The following PIP5K1A variants were observed in gnomAD, a reference collection of about 807,000 sequenced individuals.
The protein encoded by PIP5K1A is phosphatidylinositol-4-phosphate 5-kinase type 1 alpha, also known as phosphatidylinositol 4-phosphate 5-kinase type-1 alpha.
In PIP5K1A, 46 loss-of-function variants were observed where a neutral mutation model predicts 72.9. The observed-to-expected ratio is 0.63, with a 90% confidence interval of 0.50 to 0.81. The LOEUF (loss-of-function observed/expected upper bound fraction) is 0.81. Ranked by LOEUF, PIP5K1A falls within the 30% of genes least tolerant of loss-of-function variation. The pLI is 0.00. For synonymous variants in PIP5K1A, 228 were observed against 255.1 expected (o/e 0.89, Z 1.01); for missense variants, 458 against 706.1 (o/e 0.65, Z 3.98).
At chr1:151,196,748 A>T (rs1222363340), upstream of PIP5K1A, among the ~76,000 whole-genome samples, 2 of 151,340 alleles carry the variant, frequency 1.3e-5, no homozygotes, top group African/African-American at 4.9e-5. Context: ...TTTAGTAGAG[A>T]CGGCGTTTCT....
rs781567276 is a variant in PIP5K1A at position 151,234,377 on chromosome 1, C to T, written c.820C>T (p.Arg274Ter). 1.2e-6 allele frequency: 2 copies of T among 1,613,592 alleles called. No homozygotes were observed. Among genetic ancestry groups the T allele is most frequent in the African/African-American group, 1.3e-5 (1 of 75,018 alleles). Residue 274 changes from arginine (R) to a stop codon, truncating the protein, a stop_gained, in exon 8 of 16, where the codon CGA (arginine) becomes TGA (stop). Coordinates refer to ENST00000368888, the MANE Select transcript of PIP5K1A (RefSeq NM_001135638.2). LOFTEE classifies it high-confidence loss of function. ...CAAACGGCGGGCTTCCCAGAAAGAG[C>T]GAGAGAAGCCTCTTCCCACATTTAA... ...TYKRRASQKEREKPLPTFKDL... is the reference protein window; with the variant it reads ...TYKRRASQKE
intron 15 of PIP5K1A, 101 bp from the exon 16 acceptor site, chr1:151,247,762 A>C (rs1265823875): frequency 1.0e-6 from 1 of 972,944 alleles, no homozygotes; most frequent in Non-Finnish European, 1.6e-6. Flanking sequence ...GGTACCTCAT[A>C]CTTGGAGGCT....
intron 12 of PIP5K1A, among the ~76,000 whole-genome samples, chr1:151,241,088 G>A (rs1004447446): frequency 4.6e-5 from 7 of 152,078 alleles, no homozygotes; most frequent in Middle Eastern, 6.8e-3. Flanking sequence ...ACTTGAACAC[G>A]GTAGGCAGAG....
intron 1 of PIP5K1A, among the ~76,000 whole-genome samples, chr1:151,202,462 C>T (rs587755110): frequency 4.6e-5 from 7 of 152,220 alleles, no homozygotes; most frequent in African/African-American, 1.7e-4. Flanking sequence ...CTCTTCCAAT[C>T]GCAAATAAAA....
intron 5 of PIP5K1A, among the ~76,000 whole-genome samples, chr1:151,232,009 C>T (rs1025965728): frequency 3.9e-5 from 6 of 152,062 alleles, no homozygotes; most frequent in Non-Finnish European, 5.9e-5. Flanking sequence ...TGGATTGACC[C>T]GTAAAAAACA....
chr1:151,217,940 G>A (rs1289891634), intron 1 of PIP5K1A, among the ~76,000 whole-genome samples: 2 of 151,984 alleles, frequency 1.3e-5, no homozygotes, highest in Non-Finnish European at 2.9e-5. Context: ...CACCATGTCC[G>A]GCTAATTTTT....
In PIP5K1A at chr1:151,239,122, TC is replaced by T; in HGVS notation, c.1230-7del. On this transcript the variant is annotated splice_polypyrimidine_tract_variant and splice_region_variant and intron_variant, in intron 10 of 15. Transcript: ENST00000368888. ...GACGTGAGTAGGTGATGTACATTTT[TC>T]TTGCAGGTTTGTTAAGAAGTTGGAG... 6.2e-7 allele frequency: 1 copy of T among 1,606,784 alleles called. No homozygotes were observed. Among genetic ancestry groups the T allele is most frequent in the Non-Finnish European group, 8.5e-7 (1 of 1,173,584 alleles).
In PIP5K1A at chr1:151,199,007, C is replaced by T. The variant is rs1389588176; in HGVS notation, c.11C>T (p.Ala4Val). Residue 4 changes from alanine to valine, a missense_variant, in exon 1 of 16, where the codon GCC (alanine) becomes GTC (valine). Ala to Val is a moderately conservative substitution (Grantham distance 64). Transcript: ENST00000368888. ...GAGGGGGCTGCTAAGATGGCGTCGG[C>T]CTCCTCCGGGCCGTCGTCTTCGGTC... MAS[A>V]SSGPSSSVGF... The T allele has an allele frequency of 3.1e-6, 5 of 1,614,068 alleles. No individual in the cohort carries two copies. Among genetic ancestry groups the T allele is most frequent in the Non-Finnish European group, 3.4e-6 (4 of 1,179,972 alleles).
chr1:151,239,049 C>A (rs779184196), intron 10 of PIP5K1A, 81 bp from the exon 11 acceptor site: 29 of 1,012,436 alleles, frequency 2.9e-5, no homozygotes, highest in Non-Finnish European at 4.5e-5. Flanking sequence ...TCTATTACCC[C>A]TTTAACCCCC....
At chr1:151,247,069 T>A (rs1692608259) in intron 15 of PIP5K1A, 104 bp downstream of exon 15, 1 of 574,358 alleles carries the variant, frequency 1.7e-6, no homozygotes, top group African/African-American at 1.9e-5. Flanking sequence ...AGGATCTGGG[T>A]ACCTCCTAAA....
At chr1:151,198,176 G>C (rs1010678027), upstream of PIP5K1A, 3 of 458,722 alleles carry the variant, frequency 6.5e-6, no homozygotes, top group African/African-American at 6.1e-5. Flanking sequence ...ACAGGAAAAA[G>C]ACTAAGAAGA....
At chr1:151,220,355 C>G (rs1688242792) in intron 1 of PIP5K1A, among the ~76,000 whole-genome samples, 1 of 152,048 alleles carries the variant, frequency 6.6e-6, no homozygotes, top group Non-Finnish European at 1.5e-5. Flanking sequence ...TTTGATTATC[C>G]AGACTTGCTT....
At chr1:151,200,954 C>T (rs1342803505) in intron 1 of PIP5K1A, among the ~76,000 whole-genome samples, 2 of 152,030 alleles carry the variant, frequency 1.3e-5, no homozygotes, top group East Asian at 1.9e-4. Flanking sequence ...CTCAGCCTCC[C>T]GAGTAGCTGG....
At chr1:151,227,660 G>T (rs1194338948) in intron 4 of PIP5K1A, among the ~76,000 whole-genome samples, 6 of 152,172 alleles carry the variant, frequency 3.9e-5, no homozygotes, top group African/African-American at 1.2e-4. Flanking sequence ...GGAAGCCGAG[G>T]CAGGCAGATC....
chr1:151,222,922 G>A (rs1346450651), intron 1 of PIP5K1A, among the ~76,000 whole-genome samples: 1 of 152,086 alleles, frequency 6.6e-6, no homozygotes, highest in Non-Finnish European at 1.5e-5. Context: ...TTGCTCTTGC[G>A]TCACACGTAA....
chr1:151,229,734 T>TAA (rs111793845), intron 4 of PIP5K1A, among the ~76,000 whole-genome samples: 35 of 146,008 alleles, frequency 2.4e-4, no homozygotes, highest in East Asian at 6.0e-4. Context: ...GGCAGGTACT[T>TAA]AAAAAAAAAA....
intron 1 of PIP5K1A, among the ~76,000 whole-genome samples, chr1:151,213,004 C>A (rs1026559297): frequency 6.6e-6 from 1 of 151,104 alleles, no homozygotes; most frequent in Non-Finnish European, 1.5e-5. Context: ...CATTCTCCTG[C>A]CTCAGCCTCT....
At chr1:151,199,197 C>T (rs1684846698) in intron 1 of PIP5K1A, 116 bp downstream of exon 1, 3 of 1,562,800 alleles carry the variant, frequency 1.9e-6, no homozygotes, top group African/African-American at 2.7e-5. Context: ...GGTAAGTGGG[C>T]GCGAGCTGGG....
intron 1 of PIP5K1A, among the ~76,000 whole-genome samples, chr1:151,207,667 G>A (rs1231545802): frequency 6.6e-6 from 1 of 151,900 alleles, no homozygotes; most frequent in Non-Finnish European, 1.5e-5. Context: ...AAGTAGCTGG[G>A]ATTACAGGCG....
Sources: gnomAD v4.1 joint callset for allele counts (sites outside exome capture counted in the v4.1 genomes callset) on GRCh38, gnomAD v4.1.1 for gene constraint, MANE v1.5 for transcripts, NCBI Gene and HGNC (gene_info 2026-07-23, HGNC 2026-07-21) for gene names.